Variants in ITPR2 observed in about 807,000 individuals in gnomAD.
ITPR2 encodes the protein inositol 1,4,5-trisphosphate receptor type 2.
In ITPR2, 207 loss-of-function variants were observed where a neutral mutation model predicts 317.1. That is an observed-to-expected ratio of 0.65 (90% CI 0.58 to 0.73). The LOEUF is 0.73. Ranked by LOEUF, ITPR2 falls within the 30% of genes least tolerant of loss-of-function variation. The pLI, the probability that ITPR2 is intolerant of heterozygous loss-of-function variation, is 0.00. For synonymous variants in ITPR2, 1,156 were observed against 1,149.1 expected (o/e 1.01, Z -0.12); for missense variants, 2,613 against 3,284.0 (o/e 0.80, Z 4.99).
At chr12:26,803,590 C>A (rs1950596181) in intron 1 of ITPR2, among the ~76,000 whole-genome samples, 1 of 152,172 alleles carries the variant, frequency 6.6e-6, no homozygotes, top group South Asian at 2.1e-4. Context: ...GAGGAGACCT[C>A]TGAAAATAAT....
intron 54 of ITPR2, among the ~76,000 whole-genome samples, chr12:26,396,948 T>C (rs750541510): frequency 1.3e-5 from 2 of 152,232 alleles, no homozygotes; most frequent in Non-Finnish European, 2.9e-5. Flanking sequence ...TGACTCTGCC[T>C]TCTATCCTTA....
intron 39 of ITPR2, among the ~76,000 whole-genome samples, chr12:26,488,182 A>G (rs1009887463): frequency 3.9e-5 from 6 of 152,194 alleles, no homozygotes; most frequent in Admixed American, 3.9e-4. Flanking sequence ...ATACAAGACA[A>G]ACAAGATAAA....
At position 26,730,380 on chromosome 12, in the gene ITPR2, T is replaced by C. The variant is rs142010839; in HGVS notation, c.164-4615A>G. On this transcript the variant is annotated intron_variant, in intron 2 of 56. Coordinates refer to ENST00000381340, the MANE Select transcript of ITPR2 (RefSeq NM_002223.4). ...TAGTATTCCTTGATCTGTAGAGGTG[T>C]AATACTGTTAAGAAAAATGTTTTAT... Among the ~76,000 whole-genome samples the C allele has an allele frequency of 1.5e-3, 236 of 152,304 alleles. 4 individuals carry two copies. In the East Asian group the frequency reaches 0.034, roughly 22 times the overall value.
Position 26,730,767 on chromosome 12 carries a change from T to C in ITPR2, c.164-5002A>G, listed in dbSNP as rs79159074. ...AAGTGTTCATTTTAAACTGATAGCA[T>C]TGGTGGCATTTTAGCCTGCTTACTT... On this transcript the variant is annotated intron_variant, in intron 2 of 56. Coordinates refer to ENST00000381340, the MANE Select transcript of ITPR2 (RefSeq NM_002223.4). 5.9e-5 allele frequency among the ~76,000 whole-genome samples: 9 copies of C among 152,306 alleles called. No individual in the cohort carries two copies. The East Asian group carries it at 1.7e-3, about 29-fold the overall frequency.
At chr12:26,365,809 T>A (rs1240988939) in intron 55 of ITPR2, among the ~76,000 whole-genome samples, 1 of 152,208 alleles carries the variant, frequency 6.6e-6, no homozygotes, top group East Asian at 1.9e-4. Flanking sequence ...CCAATGAGCG[T>A]GCAAAGGAAA....
rs1947392402 is a variant in ITPR2 at position 26,657,227 on chromosome 12, T to C, written c.2192+480A>G. ...CAGGAACTGCCTTCAGTACTTCCGC[T>C]GCCATATTCCGGGGCTGAACTTTCG... is the stretch of plus-strand genomic sequence containing the variant. On this transcript the variant is annotated intron_variant, in intron 18 of 56. Transcript: ENST00000381340. 3.9e-5 allele frequency among the ~76,000 whole-genome samples: 6 copies of C among 152,318 alleles called. No individual in the cohort carries two copies. The South Asian group carries it at 1.2e-3, about 32-fold the overall frequency.
intron 51 of ITPR2, among the ~76,000 whole-genome samples, chr12:26,412,920 G>A (rs1940596102): frequency 6.6e-6 from 1 of 152,178 alleles, no homozygotes. Flanking sequence ...GACAGTGAGA[G>A]CTATGGTTGG....
Position 26,550,326 on chromosome 12 carries a change from TC to T in ITPR2, c.4993del (p.Glu1665ArgfsTer18). The T allele has an allele frequency of 6.7e-7, 1 of 1,486,618 alleles. No homozygotes were observed. The highest frequency in any genetic ancestry group is 9.3e-7 in the Non-Finnish European group (1 of 1,072,584). The allele number at this position is 1,486,618 out of a possible 1,614,324, so 92.1% of individuals were successfully genotyped here. ...KLINHTKKLM[E>X]KEEKLCIKIL... Reference sequence around the variant, plus strand: ...TTTAATGCACAGTTTTTCTTCTTTCTCCATTAGTTTCTTTGTATGATTAATC... The same window carrying T: ...TTTAATGCACAGTTTTTCTTCTTTCTCATTAGTTTCTTTGTATGATTAATC... On this transcript the variant is annotated frameshift_variant, in exon 37 of 57. Transcript: ENST00000381340. LOFTEE classifies it high-confidence loss of function.
intron 55 of ITPR2, among the ~76,000 whole-genome samples, chr12:26,366,848 A>G (rs971519771): frequency 6.6e-6 from 1 of 152,200 alleles, no homozygotes; most frequent in Admixed American, 6.5e-5. Flanking sequence ...AAACAACATT[A>G]AGACTTCCTT....
At chr12:26,824,522 A>T (rs1950984045) in intron 1 of ITPR2, among the ~76,000 whole-genome samples, 1 of 152,196 alleles carries the variant, frequency 6.6e-6, no homozygotes, top group African/African-American at 2.4e-5. Flanking sequence ...ACAGTTTCTC[A>T]GTTTGTGGTT....
At chr12:26,523,321 TC>T (rs1943715454) in intron 37 of ITPR2, among the ~76,000 whole-genome samples, 1 of 152,224 alleles carries the variant, frequency 6.6e-6, no homozygotes, top group South Asian at 2.1e-4. Context: ...ATTAATTTGT[TC>T]AACATTAAAA....
intron 37 of ITPR2, among the ~76,000 whole-genome samples, chr12:26,504,228 T>C (rs969853540): frequency 1.3e-5 from 2 of 152,206 alleles, no homozygotes; most frequent in African/African-American, 4.8e-5. Context: ...TAAGTATATT[T>C]ATAAAGTTAT....
At chr12:26,559,536 G>C (rs924387188) in intron 35 of ITPR2, among the ~76,000 whole-genome samples, 4 of 148,072 alleles carry the variant, frequency 2.7e-5, no homozygotes, top group Non-Finnish European at 4.5e-5. Flanking sequence ...GCAACTCCCA[G>C]AAGACATCAC....
chr12:26,483,653 C>G, intron 42 of ITPR2, 45 bp downstream of exon 42: 1 of 1,424,650 alleles, frequency 7.0e-7, no homozygotes, highest in Non-Finnish European at 9.9e-7. Context: ...GGCTCCTTCC[C>G]CAAATTAATC....
intron 39 of ITPR2, among the ~76,000 whole-genome samples, chr12:26,487,590 T>C (rs914282057): frequency 6.6e-6 from 1 of 152,170 alleles, no homozygotes; most frequent in African/African-American, 2.4e-5. Flanking sequence ...AGTCATGCAT[T>C]GATTCAACAT....
intron 54 of ITPR2, among the ~76,000 whole-genome samples, chr12:26,391,438 G>C (rs938278505): frequency 6.6e-6 from 1 of 151,992 alleles, no homozygotes; most frequent in Non-Finnish European, 1.5e-5. Flanking sequence ...GGCAGAAAGG[G>C]AACATTTGGA....
At chr12:26,358,738 C>T (rs558291183) in intron 55 of ITPR2, among the ~76,000 whole-genome samples, 1 of 152,294 alleles carries the variant, frequency 6.6e-6, no homozygotes, top group Non-Finnish European at 1.5e-5. Flanking sequence ...CCTTTCCTAG[C>T]CCAGGGGGCC....
At chr12:26,814,068 T>C (rs1282417813) in intron 1 of ITPR2, among the ~76,000 whole-genome samples, 4 of 152,178 alleles carry the variant, frequency 2.6e-5, no homozygotes, top group Admixed American at 6.5e-5. Flanking sequence ...GAGCCAGCCA[T>C]TGCAACAGTA....
rs1032440891 is a variant in ITPR2 at position 26,436,268 on chromosome 12, T to C, written c.6722A>G (p.Asn2241Ser). The C allele has an allele frequency of 2.5e-6, 4 of 1,613,182 alleles. No individual in the cohort carries two copies. In the African/African-American group the frequency reaches 4.0e-5, roughly 16 times the overall value. The change falls in exon 48 of 57, where the codon AAT (asparagine) becomes AGT (serine). Residue 2241 changes from asparagine to serine, a missense_variant. Physicochemically the swap from Asn to Ser is conservative, Grantham distance 46 (BLOSUM62 1). Around this residue, in one of 9 missense-constraint regions of ITPR2, gnomAD observed 926 missense variants for 1,072.8 expected, o/e 0.86. Transcript: ENST00000381340. The stretch of plus-strand genomic sequence containing the variant: ...TGGGTAGAAGAGAGCAACAGCTAAA[T>C]TGATGAACACAGCCAGGTTGAAGGA... ...SISFNLAVFI[N>S]LAVALFYPFG...
Sources: gnomAD v4.1 joint callset for allele counts (sites outside exome capture counted in the v4.1 genomes callset) on GRCh38, gnomAD v4.1.1 for gene constraint, gnomAD v4.1.1 regional missense constraint, MANE v1.5 for transcripts, NCBI Gene and HGNC (gene_info 2026-07-23, HGNC 2026-07-21) for gene names.